Variants in SPATA31H1 observed in about 807,000 individuals in gnomAD.
The protein encoded by SPATA31H1 is spermatogenesis-associated protein 31H1.
At chr2:27,547,658 G>T in the SPATA31H1 span, among the ~76,000 whole-genome samples, 5 of 152,022 alleles carry the variant, frequency 3.3e-5, no homozygotes, top group African/African-American at 4.8e-5. Flanking sequence ...TGATCTATGA[G>T]TGTGTTCATG....
chr2:27,581,129 T>C, the SPATA31H1 span: 1 of 1,614,128 alleles, frequency 6.2e-7, no homozygotes, highest in Admixed American at 1.7e-5. Context: ...TCCTACCTGG[T>C]TCCCCTGTGA....
At chr2:27,582,641 C>G in the SPATA31H1 span, 1 of 1,081,634 alleles carries the variant, frequency 9.2e-7, no homozygotes, top group Non-Finnish European at 1.3e-6. Flanking sequence ...CGTGGAAAGG[C>G]TTCCATTTCT....
the SPATA31H1 span, among the ~76,000 whole-genome samples, chr2:27,549,542 C>G: frequency 1.3e-5 from 2 of 151,704 alleles, no homozygotes; most frequent in African/African-American, 4.9e-5. Flanking sequence ...GGTGTGGTGG[C>G]TCACACCTGT....
At chr2:27,581,433 A>C in the SPATA31H1 span, 1 of 1,614,028 alleles carries the variant, frequency 6.2e-7, no homozygotes. Flanking sequence ...CCCCGAGAGG[A>C]GCTGTCACAG....
chr2:27,578,760 A>G, the SPATA31H1 span: 1 of 1,614,174 alleles, frequency 6.2e-7, no homozygotes, highest in Non-Finnish European at 8.5e-7. Context: ...TGACTTCTCT[A>G]GGTTCCTACA....
the SPATA31H1 span, chr2:27,566,608 T>C: frequency 1.7e-6 from 1 of 583,208 alleles, no homozygotes; most frequent in Non-Finnish European, 3.1e-6. Flanking sequence ...GTAATTGATG[T>C]TGGGGAAAGA....
the SPATA31H1 span, among the ~76,000 whole-genome samples, chr2:27,549,496 C>G: frequency 1.6e-4 from 25 of 151,728 alleles, no homozygotes; most frequent in Non-Finnish European, 3.5e-4. Flanking sequence ...TGTCACCATA[C>G]CTGGCTAATT....
the SPATA31H1 span, among the ~76,000 whole-genome samples, chr2:27,541,230 A>C: frequency 6.6e-6 from 1 of 151,894 alleles, no homozygotes; most frequent in Non-Finnish European, 1.5e-5. Context: ...CCACCAAAAA[A>C]AACATGAAAA....
At chr2:27,581,107 C>T in the SPATA31H1 span, 13 of 1,614,104 alleles carry the variant, frequency 8.1e-6, no homozygotes, top group Non-Finnish European at 1.1e-5. Context: ...AGAGTTCAGG[C>T]CCGAGGAAGA....
chr2:27,582,526 G>A, the SPATA31H1 span: 1 of 1,596,138 alleles, frequency 6.3e-7, no homozygotes, highest in East Asian at 2.2e-5. Flanking sequence ...GCTACTCGAT[G>A]AGGCGAGGTC....
the SPATA31H1 span, chr2:27,567,137 C>A: frequency 1.5e-6 from 1 of 676,816 alleles, no homozygotes; most frequent in Admixed American, 2.5e-5. Context: ...TAAATATCTG[C>A]AAACAAAAAA....
chr2:27,582,230 C>T, the SPATA31H1 span: 1 of 1,614,184 alleles, frequency 6.2e-7, no homozygotes, highest in South Asian at 1.1e-5. Flanking sequence ...GAAGCCATCG[C>T]AGTCCCTCCG....
chr2:27,576,125 T>A, the SPATA31H1 span: 2 of 402,908 alleles, frequency 5.0e-6, no homozygotes, highest in Non-Finnish European at 8.7e-6. Context: ...AATGTATAGA[T>A]TCTATGGAGT....
the SPATA31H1 span, among the ~76,000 whole-genome samples, chr2:27,550,790 A>G: frequency 6.6e-6 from 1 of 151,894 alleles, no homozygotes; most frequent in Admixed American, 6.6e-5. Flanking sequence ...TATTTATCCT[A>G]TTAATGTGCT....
chr2:27,581,179 A>C, the SPATA31H1 span: 1 of 1,614,190 alleles, frequency 6.2e-7, no homozygotes. Context: ...AAACTCACAC[A>C]CAAGGAGCAT....
chr2:27,540,788 ATGG>A, the SPATA31H1 span, among the ~76,000 whole-genome samples: 1 of 77,672 alleles, frequency 1.3e-5, no homozygotes, highest in African/African-American at 6.4e-5. Flanking sequence ...ATCTCAGACG[ATGG>A]GCGGCCGGGC....
At chr2:27,546,100 A>G in the SPATA31H1 span, among the ~76,000 whole-genome samples, 1 of 152,042 alleles carries the variant, frequency 6.6e-6, no homozygotes, top group Admixed American at 6.5e-5. Context: ...CCTTTGCCAG[A>G]TAAAGGTATT....
At chr2:27,580,159 C>A in the SPATA31H1 span, 1 of 1,614,130 alleles carries the variant, frequency 6.2e-7, no homozygotes, top group South Asian at 1.1e-5. Context: ...CCTATATCAC[C>A]ATCACAAAGG....
chr2:27,574,370 A>G, the SPATA31H1 span: 1 of 398,516 alleles, frequency 2.5e-6, no homozygotes, highest in Non-Finnish European at 4.4e-6. Context: ...AACCTAGTCC[A>G]AAGTTACAAA....
Sources: allele counts gnomAD v4.1 joint callset (sites outside exome capture counted in the v4.1 genomes callset), GRCh38; gene constraint gnomAD v4.1.1; transcripts MANE v1.5; gene names NCBI Gene and HGNC (gene_info 2026-07-23, HGNC 2026-07-21).